SLC35E1: variants seen among roughly 807,000 people sequenced by gnomAD.
SLC35E1 encodes the protein solute carrier family 35, member E1.
Under a neutral mutation model 31.0 loss-of-function variants are expected in SLC35E1, and 12 were observed. The ratio of observed to expected loss-of-function variants is 0.39; its 90% confidence interval spans 0.25 to 0.63. The LOEUF (loss-of-function observed/expected upper bound fraction) is 0.63, where lower values mean the gene tolerates loss of function less well. Ranked by LOEUF, SLC35E1 falls within the 20% of genes least tolerant of loss-of-function variation. The pLI is 0.52. For missense variants in SLC35E1, 429 were observed against 572.2 expected, an observed-to-expected ratio of 0.75 and a Z score of 2.55; for synonymous variants, 257 against 264.1, an observed-to-expected ratio of 0.97 and a Z score of 0.26.
chr19:16,549,888 C>T lies in SLC35E1; in HGVS notation c.*3791G>A, dbSNP rs542816135. 1 of 152,280 alleles carries T rather than the reference C, an allele frequency of 6.6e-6. No individual in the cohort carries two copies. Among genetic ancestry groups the T allele is most frequent in the East Asian group, 1.9e-4 (1 of 5,186 alleles). The allele number at this position is 152,280 out of a possible 1,614,324, so 9.4% of individuals were successfully genotyped here. On this transcript the variant is annotated 3_prime_UTR_variant, in exon 6 of 6. Coordinates refer to ENST00000595753, the MANE Select transcript of SLC35E1 (RefSeq NM_024881.5). ...GGTAAATGCCAGTGAGGAATATACA[C>T]GTCATTCCTGCAGAAAAGTCTATAG... is the stretch of plus-strand genomic sequence containing the variant.
chr19:16,566,475 G>A (rs1455137101), intron 4 of SLC35E1, 57 bp downstream of exon 4: 1 of 1,605,838 alleles, frequency 6.2e-7, no homozygotes, highest in South Asian at 1.1e-5. Context: ...CCTCAACAAA[G>A]CACCTATTCT....
At position 16,555,656 on chromosome 19, in the gene SLC35E1, AG is replaced by A; in HGVS notation, c.757-260del. ...GAAACAGGTGAAGCCAGGTCCCCAA[AG>A]GGCACCAAGCAAGACGTAAGCCAAA... On this transcript the variant is annotated intron_variant, in intron 4 of 5. Coordinates refer to ENST00000595753, the MANE Select transcript of SLC35E1 (RefSeq NM_024881.5). The surrounding 1 kb of genome is among the most constrained non-coding windows in gnomAD (Gnocchi z 4.1). 1 of 469,364 alleles carries A rather than the reference AG, an allele frequency of 2.1e-6. No homozygotes were observed. The highest frequency in any genetic ancestry group is 2.5e-5 in the South Asian group (1 of 40,328). The allele number at this position is 469,364 out of a possible 1,614,324, so 29.1% of individuals were successfully genotyped here.
rs373187280 is a variant in SLC35E1 at position 16,555,117 on chromosome 19, G to T, written c.1002+35C>A. 1 of 1,611,674 alleles carries T rather than the reference G, an allele frequency of 6.2e-7. No homozygotes were observed. Among genetic ancestry groups the T allele is most frequent in the East Asian group, 2.2e-5 (1 of 44,846 alleles). ...CTGACTTCCTGGGTGTTGGGGGGCC[G>T]GCTTCCTTCCCTGCCCAGCCTCTCA... On this transcript the variant is annotated intron_variant, in intron 5 of 5. Coordinates refer to ENST00000595753, the MANE Select transcript of SLC35E1 (RefSeq NM_024881.5). This position sits in a 1 kb window ranked among gnomAD's most constrained non-coding sequence, Gnocchi z 4.1.
chr19:16,563,627 G>A (rs995930108), intron 4 of SLC35E1, among the ~76,000 whole-genome samples: 5 of 152,062 alleles, frequency 3.3e-5, no homozygotes, highest in African/African-American at 1.2e-4. Context: ...GATTATAGGC[G>A]TACGCCACCA....
At chr19:16,567,524 A>AT (rs1265733028) in intron 3 of SLC35E1, among the ~76,000 whole-genome samples, 2 of 151,964 alleles carry the variant, frequency 1.3e-5, no homozygotes, top group Non-Finnish European at 2.9e-5. Context: ...GCTTTTCTTT[A>AT]TTTTTTTCTT....
intron 1 of SLC35E1, 56 bp from the exon 2 acceptor site, chr19:16,571,638 G>C: frequency 1.9e-6 from 3 of 1,581,346 alleles, no homozygotes; most frequent in Non-Finnish European, 2.6e-6. Flanking sequence ...GGCCCAACCT[G>C]TTCCACCTCC....
chr19:16,556,832 C>T (rs536803765), intron 4 of SLC35E1: 6 of 470,708 alleles, frequency 1.3e-5, no homozygotes, highest in East Asian at 1.4e-4. Flanking sequence ...AAGGATCACA[C>T]GGTCCTCTCA....
Position 16,553,227 on chromosome 19 carries a change from C to CT in SLC35E1, c.*451dup, listed in dbSNP as rs1568270248. 6.5e-6 allele frequency: 1 copy of CT among 152,860 alleles called. No homozygotes were observed. The highest frequency in any genetic ancestry group is 1.9e-4 in the East Asian group (1 of 5,224). The allele number at this position is 152,860 out of a possible 1,614,324, so 9.5% of individuals were successfully genotyped here. ...GCGCCAGGGAATTAAACTAGCCAGT[C>CT]TGACGTTCTCAAGCACCGCCCTGGA... On this transcript the variant is annotated 3_prime_UTR_variant, in exon 6 of 6. Transcript: ENST00000595753.
rs1183790072 is a variant in SLC35E1, at chr19:16,552,953, AG to A, written c.*725del. ...CTGGTGAGGGAAGAGGAGGCAAAGG[AG>A]AAGAGAGAAGTTTCCCTTCCATCTG... On this transcript the variant is annotated 3_prime_UTR_variant, in exon 6 of 6. Coordinates refer to ENST00000595753, the MANE Select transcript of SLC35E1 (RefSeq NM_024881.5). The A allele has an allele frequency of 6.6e-6, 1 of 152,222 alleles. No individual in the cohort carries two copies. The highest frequency in any genetic ancestry group is 1.5e-5 in the Non-Finnish European group (1 of 68,052). The allele number at this position is 152,222 out of a possible 1,614,324, so 9.4% of individuals were successfully genotyped here.
rs544760498 is a variant in SLC35E1, at chr19:16,551,449, G to A, written c.*2230C>T. ...CAACAACAAAAGAAACACCAGTCAA[G>A]CATAAGTGATGTTACTTCCTCTCTG... is the stretch of plus-strand genomic sequence containing the variant. On this transcript the variant is annotated 3_prime_UTR_variant, in exon 6 of 6. Transcript: ENST00000595753. The A allele has an allele frequency of 1.3e-5, 2 of 152,268 alleles. No individual in the cohort carries two copies. The highest frequency in any genetic ancestry group is 2.9e-5 in the Non-Finnish European group (2 of 68,028). 9.4% of individuals were successfully genotyped at this position (152,268 alleles called of 1,614,324 possible).
At chr19:16,561,215 A>G (rs1418930041) in intron 4 of SLC35E1, among the ~76,000 whole-genome samples, 1 of 61,876 alleles carries the variant, frequency 1.6e-5, no homozygotes, top group Admixed American at 1.8e-4. Context: ...CTCCATCTCA[A>G]AAAAAAAAAA....
chr19:16,569,924 C>T (rs149922543), intron 2 of SLC35E1, among the ~76,000 whole-genome samples: 12 of 152,188 alleles, frequency 7.9e-5, no homozygotes, highest in East Asian at 3.9e-4. Context: ...GAGGGCAGAC[C>T]GAGGGCTGTG....
rs2085837693 is a variant in SLC35E1, at chr19:16,550,131, C to T, written c.*3548G>A. On this transcript the variant is annotated 3_prime_UTR_variant, in exon 6 of 6. Coordinates refer to ENST00000595753, the MANE Select transcript of SLC35E1 (RefSeq NM_024881.5). The stretch of plus-strand genomic sequence containing the variant: ...CTTCCTCACTTGAACGGATCTGGCC[C>T]CTTTGTGGTAGGGGCTTGACTGTTC... The T allele has an allele frequency of 6.6e-6, 1 of 152,128 alleles. No homozygotes were observed. The highest frequency in any genetic ancestry group is 2.4e-5 in the African/African-American group (1 of 41,404). The allele number at this position is 152,128 out of a possible 1,614,324, so 9.4% of individuals were successfully genotyped here.
In SLC35E1 at chr19:16,572,381, C is replaced by T. The variant is rs550957503; in HGVS notation, c.-17G>A. 1.0e-6 allele frequency: 1 copy of T among 997,002 alleles called. No homozygotes were observed. The highest frequency in any genetic ancestry group is 1.1e-4 in the East Asian group (1 of 9,134). The allele number at this position is 997,002 out of a possible 1,614,324, so 61.8% of individuals were successfully genotyped here. A position where few individuals can be genotyped will look rare whatever the true frequency, so the allele number is the denominator to read the frequency against. Reference sequence around the variant, plus strand: ...CGCCGCCATCCTGCCCGAGCGGCCGCCCCTTCCAGCCCGTCCGACGGCCCG... The same window carrying T: ...CGCCGCCATCCTGCCCGAGCGGCCGTCCCTTCCAGCCCGTCCGACGGCCCG... On this transcript the variant is annotated 5_prime_UTR_variant, in exon 1 of 6. Transcript: ENST00000595753. The surrounding 1 kb of genome is among the most constrained non-coding windows in gnomAD (Gnocchi z 4.1).
At chr19:16,562,036 C>G (rs1181237587) in intron 4 of SLC35E1, among the ~76,000 whole-genome samples, 2 of 151,840 alleles carry the variant, frequency 1.3e-5, no homozygotes, top group African/African-American at 4.8e-5. Flanking sequence ...AAAAAAGAAC[C>G]AACCAAACAA....
At chr19:16,570,801 A>G (rs1299914796) in intron 2 of SLC35E1, among the ~76,000 whole-genome samples, 1 of 152,216 alleles carries the variant, frequency 6.6e-6, no homozygotes, top group Non-Finnish European at 1.5e-5. Flanking sequence ...TCTCTTGTCA[A>G]GAAGTGAAAA....
chr19:16,570,656 G>C (rs2085953160), intron 2 of SLC35E1, among the ~76,000 whole-genome samples: 1 of 152,186 alleles, frequency 6.6e-6, no homozygotes. Context: ...TGAGTCCTGT[G>C]TGCCACTTTC....
In SLC35E1 at chr19:16,555,408, C is replaced by T. The variant is rs200963666; in HGVS notation, c.757-11G>A. The T allele has an allele frequency of 1.9e-5, 30 of 1,612,366 alleles. No individual in the cohort carries two copies. The highest frequency in any genetic ancestry group is 1.1e-5 in the South Asian group (1 of 90,988). ...CTGGTAGACGTAGGTCTGCAGAGAC[C>T]GGAAGGTAAAGACAGCACTTCAGTG... On this transcript the variant is annotated splice_polypyrimidine_tract_variant and intron_variant, in intron 4 of 5. Transcript: ENST00000595753. This position sits in a 1 kb window ranked among gnomAD's most constrained non-coding sequence, Gnocchi z 4.1.
In SLC35E1 at chr19:16,550,266, T is replaced by C. The variant is rs957446623; in HGVS notation, c.*3413A>G. 1.4e-4 allele frequency: 22 copies of C among 152,260 alleles called. No homozygotes were observed. The highest frequency in any genetic ancestry group is 4.6e-4 in the Admixed American group (7 of 15,288). The allele number at this position is 152,260 out of a possible 1,614,324, so 9.4% of individuals were successfully genotyped here. ...CCTTCTATAAAATGAAGGAGCTGGG[T>C]TGGAGTCAGTATTACCAGCCAGACC... On this transcript the variant is annotated 3_prime_UTR_variant, in exon 6 of 6. Coordinates refer to ENST00000595753, the MANE Select transcript of SLC35E1 (RefSeq NM_024881.5).
Sources: allele counts gnomAD v4.1 joint callset (sites outside exome capture counted in the v4.1 genomes callset), GRCh38; gene constraint gnomAD v4.1.1; non-coding constraint Gnocchi (gnomAD v3.1); transcripts MANE v1.5; gene names NCBI Gene and HGNC (gene_info 2026-07-23, HGNC 2026-07-21).